C4orf51: variants seen among roughly 807,000 people sequenced by gnomAD.
The protein encoded by C4orf51 is uncharacterized protein C4orf51.
C4orf51 carries 25 observed loss-of-function variants against 25.2 expected under a neutral mutation model. The observed-to-expected ratio is 0.99, with a 90% confidence interval of 0.72 to 1.39. The LOEUF (loss-of-function observed/expected upper bound fraction) is 1.39. Ranked by LOEUF, C4orf51 falls within the 40% of genes most tolerant of loss-of-function variation. The pLI is 0.00. For missense variants in C4orf51, 252 were observed against 239.6 expected (o/e 1.05, Z -0.34); for synonymous variants, 100 against 84.5 (o/e 1.18, Z -1.01).
At chr4:145,706,358 G>A (rs1451724957) in intron 2 of C4orf51, among the ~76,000 whole-genome samples, 3 of 152,132 alleles carry the variant, frequency 2.0e-5, no homozygotes, top group Non-Finnish European at 4.4e-5. Context: ...AAAGCCTTAG[G>A]TTGGCACCAT....
downstream of C4orf51, among the ~76,000 whole-genome samples, chr4:145,737,178 A>G (rs1732846370): frequency 6.6e-6 from 1 of 152,152 alleles, no homozygotes; most frequent in Non-Finnish European, 1.5e-5. Context: ...TAATGATTGT[A>G]GAAGACAGCC....
At chr4:145,722,666 A>G (rs1258572589) in intron 2 of C4orf51, among the ~76,000 whole-genome samples, 4 of 152,272 alleles carry the variant, frequency 2.6e-5, no homozygotes, top group African/African-American at 9.6e-5. Context: ...CTTCAGAAAA[A>G]TATTCATAAA....
chr4:145,743,912 G>T (rs1239196412), intron 1 of C4orf51, among the ~76,000 whole-genome samples: 1 of 152,196 alleles, frequency 6.6e-6, no homozygotes, highest in Non-Finnish European at 1.5e-5. Flanking sequence ...CAGCTTGCAT[G>T]CTACATCCTC....
At chr4:145,732,326 C>A in intron 5 of C4orf51, 127 bp from the exon 6 acceptor site, 1 of 606,912 alleles carries the variant, frequency 1.6e-6, no homozygotes, top group Non-Finnish European at 3.0e-6. Flanking sequence ...GAAGAAAATG[C>A]AGGATCAATC....
chr4:145,728,586 C>T (rs1297475600), intron 3 of C4orf51, among the ~76,000 whole-genome samples: 3 of 152,226 alleles, frequency 2.0e-5, no homozygotes, highest in Middle Eastern at 3.4e-3. Flanking sequence ...ACATCTTTGT[C>T]GACTGATCAA....
chr4:145,742,689 G>A (rs928050629), intron 1 of C4orf51, among the ~76,000 whole-genome samples: 13 of 151,904 alleles, frequency 8.6e-5, no homozygotes, highest in Non-Finnish European at 1.5e-5. Flanking sequence ...ACAGGCGCCC[G>A]CCACCACGCC....
intron 2 of C4orf51, among the ~76,000 whole-genome samples, chr4:145,701,239 A>AAC (rs1412086521): frequency 1.3e-5 from 2 of 151,508 alleles, no homozygotes; most frequent in African/African-American, 4.9e-5. Context: ...CAATAATAAA[A>AAC]AAAAAAGTGG....
At position 145,765,184 on chromosome 4, in the gene C4orf51, G is replaced by C; in HGVS notation, n.167-5804G>C. The C allele has an allele frequency of 1.3e-6, 2 of 1,584,120 alleles. No homozygotes were observed. The highest frequency in any genetic ancestry group is 8.6e-7 in the Non-Finnish European group (1 of 1,163,546). Reference sequence around the variant, plus strand: ...TCGAACCCTGCAAGGACCGAAGCTGGGTATAGAGGTGCACAGGGCAGCGGG... The same window carrying C: ...TCGAACCCTGCAAGGACCGAAGCTGCGTATAGAGGTGCACAGGGCAGCGGG... On this transcript the variant is annotated intron_variant and non_coding_transcript_variant, in intron 1 of 1. Coordinates refer to the C4orf51 transcript ENST00000510096. This position sits in a 1 kb window ranked among gnomAD's most constrained non-coding sequence, Gnocchi z 4.7.
chr4:145,714,479 A>G (rs1468987475), intron 2 of C4orf51, among the ~76,000 whole-genome samples: 2 of 152,136 alleles, frequency 1.3e-5, no homozygotes, highest in Non-Finnish European at 2.9e-5. Flanking sequence ...ATCTGCCACT[A>G]TCTATCTTCT....
intron 1 of C4orf51, among the ~76,000 whole-genome samples, chr4:145,739,343 C>A (rs1225520166): frequency 2.6e-5 from 4 of 152,194 alleles, no homozygotes; most frequent in African/African-American, 9.7e-5. Flanking sequence ...CTCTGCTTAC[C>A]TCCCCAGAAG....
intron 1 of C4orf51, among the ~76,000 whole-genome samples, chr4:145,742,532 G>GTTTTTTTT (rs141147414): frequency 7.6e-5 from 8 of 104,988 alleles, no homozygotes; most frequent in African/African-American, 1.6e-4. Flanking sequence ...TCTTTTTCTT[G>GTTTTTTTT]TTTTTTTTTT....
At chr4:145,774,151 T>C (rs555880445), downstream of C4orf51, among the ~76,000 whole-genome samples, 1 of 152,142 alleles carries the variant, frequency 6.6e-6, no homozygotes, top group South Asian at 2.1e-4. Flanking sequence ...ACTTAGAGGG[T>C]TGCTATGGGG....
intron 1 of C4orf51, chr4:145,760,433 T>A (rs1312158448): frequency 6.5e-6 from 1 of 153,664 alleles, no homozygotes; most frequent in Non-Finnish European, 1.4e-5. Context: ...TTAAGGACAC[T>A]CTCTTTAGGG....
intron 1 of C4orf51, among the ~76,000 whole-genome samples, chr4:145,690,607 C>T (rs1729490742): frequency 6.6e-6 from 1 of 152,070 alleles, no homozygotes; most frequent in Non-Finnish European, 1.5e-5. Context: ...CAAAAGCAAA[C>T]ACAACAAAAA....
downstream of C4orf51, among the ~76,000 whole-genome samples, chr4:145,756,085 T>C (rs1209340394): frequency 6.6e-6 from 1 of 152,188 alleles, no homozygotes; most frequent in Non-Finnish European, 1.5e-5. Context: ...CCCCTTCAAA[T>C]TGTTCACAAG....
At chr4:145,720,692 G>A (rs1399979833) in intron 2 of C4orf51, among the ~76,000 whole-genome samples, 1 of 152,284 alleles carries the variant, frequency 6.6e-6, no homozygotes, top group South Asian at 2.1e-4. Flanking sequence ...AAAGGACTCC[G>A]AAGGGCTTTG....
At chr4:145,747,527 C>T (rs1338188624) in intron 1 of C4orf51, among the ~76,000 whole-genome samples, 3 of 151,854 alleles carry the variant, frequency 2.0e-5, no homozygotes, top group African/African-American at 7.2e-5. Context: ...TGTTGAGCCA[C>T]GTTTACATTC....
intron 1 of C4orf51, among the ~76,000 whole-genome samples, chr4:145,768,373 C>T (rs1256995787): frequency 6.6e-6 from 1 of 152,088 alleles, no homozygotes; most frequent in Admixed American, 6.5e-5. Flanking sequence ...CCATGTTGGC[C>T]AGGCTGGTCT....
At chr4:145,701,192 AC>A (rs916337963) in intron 2 of C4orf51, among the ~76,000 whole-genome samples, 1 of 101,780 alleles carries the variant, frequency 9.8e-6, no homozygotes, top group Non-Finnish European at 1.9e-5. Context: ...TGGCCCTCAA[AC>A]CCCGCAACAG....
Sources: gnomAD v4.1 joint callset for allele counts (sites outside exome capture counted in the v4.1 genomes callset) on GRCh38, gnomAD v4.1.1 for gene constraint, Gnocchi (gnomAD v3.1) non-coding constraint, MANE v1.5 for transcripts, NCBI Gene and HGNC (gene_info 2026-07-23, HGNC 2026-07-21) for gene names.